The following NPC1 variants were observed in gnomAD, a reference collection of about 807,000 sequenced individuals.
The protein encoded by NPC1 is NPC intracellular cholesterol transporter 1, also known as Niemann-Pick C1 protein.
Under a neutral mutation model 140.4 loss-of-function variants are expected in NPC1, and 85 were observed. The observed-to-expected ratio is 0.61, with a 90% CI of 0.51 to 0.72. NPC1 has a LOEUF of 0.72. NPC1 is among the 30% of genes least tolerant of loss of function. NPC1 has a pLI of 0.00. For synonymous variants in NPC1, 656 were observed against 624.8 expected (o/e 1.05, Z -0.74); for missense variants, 1,504 against 1,623.8 (o/e 0.93, Z 1.27).
At chr18:23,561,874 A>G (rs889510008) in intron 4 of NPC1, among the ~76,000 whole-genome samples, 1 of 152,224 alleles carries the variant, frequency 6.6e-6, no homozygotes, top group South Asian at 2.1e-4. Flanking sequence ...TAAGAGCCTC[A>G]GTACTTCTTC....
intron 23 of NPC1, 35 bp from the exon 24 acceptor site, chr18:23,533,552 T>C: frequency 6.3e-7 from 1 of 1,599,310 alleles, no homozygotes; most frequent in Non-Finnish European, 8.6e-7. Context: ...AAACCACTTT[T>C]ACCAACCTGT....
At chr18:23,507,076 C>A (rs774377450) in intron 3 of NPC1, 1 of 1,495,844 alleles carries the variant, frequency 6.7e-7, no homozygotes, top group South Asian at 1.2e-5. Flanking sequence ...CTTTAAAATA[C>A]AGCATTAAAG....
At chr18:23,517,111 C>G (rs2145193811) in intron 3 of NPC1, among the ~76,000 whole-genome samples, 1 of 151,646 alleles carries the variant, frequency 6.6e-6, no homozygotes. Flanking sequence ...AGACATGGAA[C>G]TAAATTACGT....
Position 23,544,985 on chromosome 18 carries a change from T to G in NPC1, c.1922A>C (p.His641Pro). 1 of 1,471,364 alleles carries G rather than the reference T, an allele frequency of 6.8e-7. No homozygotes were observed. Among genetic ancestry groups the G allele is most frequent in the Non-Finnish European group, 9.3e-7 (1 of 1,077,452 alleles). 91.1% of individuals were successfully genotyped at this position (1,471,364 alleles called of 1,614,324 possible). The change falls in exon 12 of 25, where the codon CAC becomes CCC. Residue 641 changes from histidine to proline, a missense_variant. Coordinates refer to ENST00000269228, the MANE Select transcript of NPC1 (RefSeq NM_000271.5). ...MFLYISLALG[H>P]MKSCRRLLVD... ...CAGAAGCCTGCGACAGCTTTTCATG[T>G]GCCCCAAGGCTAGGGAAATATATAG... is the stretch of plus-strand genomic sequence containing the variant.
intron 17 of NPC1, among the ~76,000 whole-genome samples, chr18:23,540,231 AT>A (rs1046297956): frequency 2.6e-5 from 4 of 152,174 alleles, no homozygotes; most frequent in African/African-American, 9.7e-5. Context: ...AAGACTAGTT[AT>A]TCGTGTTCTG....
chr18:23,581,950 C>G (rs2059361337), intron 1 of NPC1: 1 of 152,198 alleles, frequency 6.6e-6, no homozygotes, highest in Admixed American at 6.5e-5. Context: ...TAATTATGAA[C>G]ATTTACACAG....
rs1174061971 is a variant in NPC1, at chr18:23,538,595, C to T, written c.2988G>A (p.Met996Ile). 2 of 1,614,090 alleles carry T rather than the reference C, an allele frequency of 1.2e-6. No individual in the cohort carries two copies. Among genetic ancestry groups the T allele is most frequent in the East Asian group, 4.5e-5 (2 of 44,902 alleles). The part of the protein sequence containing the change: ...GKQRPQGGDF[M>I]RFLPMFLSDN... ...CCGAAAGGAACATGGGCAGGAATCTCATGAAGTCTCCCCCCTGAGGCCTCT... is the reference window on the plus strand; with the variant it reads ...CCGAAAGGAACATGGGCAGGAATCTTATGAAGTCTCCCCCCTGAGGCCTCT... Residue 996 changes from methionine to isoleucine, a missense_variant, in exon 20 of 25, where the codon ATG becomes ATA. By Grantham distance (10) the Met-to-Ile change is conservative. Coordinates refer to ENST00000269228, the MANE Select transcript of NPC1 (RefSeq NM_000271.5).
At chr18:23,539,785 G>A (rs1231167651) in intron 18 of NPC1, 26 bp downstream of exon 18, 1 of 1,610,826 alleles carries the variant, frequency 6.2e-7, no homozygotes. Flanking sequence ...CGCTGCTTCT[G>A]AAGTACAAGA....
intron 23 of NPC1, chr18:23,533,769 G>C: frequency 2.0e-6 from 1 of 490,030 alleles, no homozygotes; most frequent in East Asian, 3.9e-5. Context: ...GCCTCCCAAA[G>C]TGCTGGGGTT....
At chr18:23,516,254 A>G (rs2058002181) in intron 3 of NPC1, 3 of 1,549,642 alleles carry the variant, frequency 1.9e-6, no homozygotes, top group Admixed American at 1.7e-5. Context: ...TTGGTTTTAC[A>G]CAGGGAATGA....
chr18:23,539,753 C>A, intron 18 of NPC1, 58 bp downstream of exon 18: 1 of 1,563,768 alleles, frequency 6.4e-7, no homozygotes, highest in Non-Finnish European at 8.8e-7. Flanking sequence ...CCTGAGCTGA[C>A]TGCCTGGCTG....
Position 23,568,820 on chromosome 18 carries a change from T to TA in NPC1, c.463+2dup. 6.2e-7 allele frequency: 1 copy of TA among 1,612,910 alleles called. No homozygotes were observed. Among genetic ancestry groups the TA allele is most frequent in the African/African-American group, 1.3e-5 (1 of 75,024 alleles). ...AAAGAGGAATAATTAAAAGTTTACT[T>TA]ACCATTGGCAAAACTCTGTCCGACG... On this transcript the variant is annotated splice_region_variant and intron_variant, in intron 4 of 24. Transcript: ENST00000269228.
At position 23,586,196 on chromosome 18, in the gene NPC1, G is replaced by C. The variant is rs2059416579; in HGVS notation, c.57+91C>G. 5.7e-6 allele frequency: 8 copies of C among 1,396,216 alleles called. No individual in the cohort carries two copies. The South Asian group carries it at 1.0e-4, about 18-fold the overall frequency. The allele number at this position is 1,396,216 out of a possible 1,614,324, so 86.5% of individuals were successfully genotyped here. On this transcript the variant is annotated intron_variant, in intron 1 of 24. Transcript: ENST00000269228. Reference sequence around the variant, plus strand: ...CGCCAGACCAACTTCCCCAGGACCCGGGCCTGAGCCGTCGCTGGGCCCGTC... The same window carrying C: ...CGCCAGACCAACTTCCCCAGGACCCCGGCCTGAGCCGTCGCTGGGCCCGTC...
intron 4 of NPC1, among the ~76,000 whole-genome samples, chr18:23,565,729 A>AT (rs1567974444): frequency 6.6e-6 from 1 of 152,094 alleles, no homozygotes; most frequent in Non-Finnish European, 1.5e-5. Context: ...GAATTGTTTT[A>AT]TTTTCACTTT....
rs751504562 is a variant in NPC1, at chr18:23,532,200, G to C, written c.*2C>G. The C allele has an allele frequency of 6.2e-7, 1 of 1,614,040 alleles. No homozygotes were observed. Among genetic ancestry groups the C allele is most frequent in the Non-Finnish European group, 8.5e-7 (1 of 1,180,032 alleles). On this transcript the variant is annotated 3_prime_UTR_variant, in exon 25 of 25. Transcript: ENST00000269228. ...GTTCAGTCAGGATGCCCTGCGAGAG[G>C]GCTAGAAATTTAGAAGCCGTTCGCG...
chr18:23,560,603 T>C (rs1215071639), intron 5 of NPC1, 123 bp from the exon 6 acceptor site: 1 of 1,044,820 alleles, frequency 9.6e-7, no homozygotes. Flanking sequence ...GAAAAAGAAT[T>C]GGAGGTTTTA....
At chr18:23,518,014 A>G (rs1192238250), downstream of NPC1, among the ~76,000 whole-genome samples, 4 of 152,188 alleles carry the variant, frequency 2.6e-5, no homozygotes, top group Non-Finnish European at 4.4e-5. Flanking sequence ...CGCCGTGCCC[A>G]GCCAGCATTC....
At chr18:23,529,925 A>G, downstream of NPC1, 3 of 1,181,274 alleles carry the variant, frequency 2.5e-6, no homozygotes, top group African/African-American at 1.5e-5. Flanking sequence ...GTAATGACAG[A>G]CTTTTACTGT....
rs2058572084 is a variant in NPC1 at position 23,533,430 on chromosome 18, TG to T, written c.3678del (p.Phe1226LeufsTer16). ...AKSQIFQIFY[F>X]RMYLAMVLLG... ...AGTAAGACCATGGCCAAATACATCC[TG>T]AAGTAGAATATCTGGAAAATTTGAG... On this transcript the variant is annotated frameshift_variant, in exon 24 of 25. Coordinates refer to ENST00000269228, the MANE Select transcript of NPC1 (RefSeq NM_000271.5). LOFTEE classifies it high-confidence loss of function. 6.2e-7 allele frequency: 1 copy of T among 1,614,136 alleles called. No individual in the cohort carries two copies. The highest frequency in any genetic ancestry group is 8.5e-7 in the Non-Finnish European group (1 of 1,179,964).
Sources: gnomAD v4.1 joint callset for allele counts (sites outside exome capture counted in the v4.1 genomes callset) on GRCh38, gnomAD v4.1.1 for gene constraint, MANE v1.5 for transcripts, NCBI Gene and HGNC (gene_info 2026-07-23, HGNC 2026-07-21) for gene names.